The following LRFN5 variants were observed in gnomAD, a reference collection of about 807,000 sequenced individuals.
The protein encoded by LRFN5 is leucine rich repeat and fibronectin type III domain containing 5, also known as leucine-rich repeat and fibronectin type-III domain-containing protein 5.
LRFN5 carries 24 observed loss-of-function variants against 45.6 expected under a neutral mutation model. The ratio of observed to expected loss-of-function variants is 0.53; its 90% CI spans 0.38 to 0.74. The LOEUF is 0.74. Among genes scored for constraint, LRFN5 ranks in the 30% least tolerant of loss-of-function variants. The pLI is 0.00. For synonymous variants in LRFN5, 340 were observed against 313.8 expected, an observed-to-expected ratio of 1.08 and a Z score of -0.88; for missense variants, 776 against 861.5, an observed-to-expected ratio of 0.90 and a Z score of 1.24.
In LRFN5 at chr14:41,607,025, C is replaced by T. The variant is rs1887510662; in HGVS notation, c.-1734C>T. Among the ~76,000 whole-genome samples, 1 of 152,100 alleles carries T rather than the reference C, an allele frequency of 6.6e-6. No individual in the cohort carries two copies. The highest frequency in any genetic ancestry group is 1.5e-5 in the Non-Finnish European group (1 of 67,990). ...CCCCGGACCTCGGCTGCTTGCCTCG[C>T]GCCTGAACTGCGGACTCGCCCCAGC... On this transcript the variant is annotated 5_prime_UTR_variant, in exon 1 of 6. Coordinates refer to ENST00000298119, the MANE Select transcript of LRFN5 (RefSeq NM_152447.5).
chr14:41,704,446 C>CTGTGTGTGTGTGTGTGTGTGTGTGTGTG (rs1233748767), intron 1 of LRFN5, among the ~76,000 whole-genome samples: 7 of 126,952 alleles, frequency 5.5e-5, no homozygotes, highest in African/African-American at 2.5e-4. Flanking sequence ...CTCTCTCTCT[C>CTGTGTGTGTGTGTGTGTGTGTGTGTGTG]TCTGTGTGTG....
chr14:41,865,884 T>G (rs2139107529), intron 2 of LRFN5, among the ~76,000 whole-genome samples: 1 of 152,306 alleles, frequency 6.6e-6, no homozygotes, highest in East Asian at 1.9e-4. Flanking sequence ...TTGAAAATTC[T>G]TTGCCCAATT....
chr14:41,625,570 G>T (rs576889525), intron 1 of LRFN5, among the ~76,000 whole-genome samples: 1 of 152,204 alleles, frequency 6.6e-6, no homozygotes, highest in African/African-American at 2.4e-5. Context: ...ATAGTATACA[G>T]GTATGGCATT....
At chr14:41,658,583 T>C (rs1376122016) in intron 1 of LRFN5, among the ~76,000 whole-genome samples, 6 of 151,976 alleles carry the variant, frequency 3.9e-5, no homozygotes, top group African/African-American at 1.4e-4. Flanking sequence ...GAAAAACTTA[T>C]AATGCACTTC....
rs999099291 is a variant in LRFN5 at position 41,705,779 on chromosome 14, A to G, written c.-196-61075A>G. ...CACATTTATAGTAAACGATCTTTATATAGTTTATACAATATCTGTTTTTCT... is the reference window on the plus strand; with the variant it reads ...CACATTTATAGTAAACGATCTTTATGTAGTTTATACAATATCTGTTTTTCT... On this transcript the variant is annotated intron_variant, in intron 1 of 5. Transcript: ENST00000298119. 2.0e-5 allele frequency among the ~76,000 whole-genome samples: 3 copies of G among 152,198 alleles called. No homozygotes were observed. The East Asian group carries it at 5.8e-4, about 29-fold the overall frequency.
At chr14:41,748,409 C>T (rs1248014078) in intron 1 of LRFN5, among the ~76,000 whole-genome samples, 3 of 151,890 alleles carry the variant, frequency 2.0e-5, no homozygotes, top group African/African-American at 7.3e-5. Flanking sequence ...TAAAATATGC[C>T]AATTACAAAA....
At chr14:41,690,224 G>C (rs962902777) in intron 1 of LRFN5, among the ~76,000 whole-genome samples, 1 of 151,992 alleles carries the variant, frequency 6.6e-6, no homozygotes, top group African/African-American at 2.4e-5. Context: ...GAAAAAAAAG[G>C]CCATCTCAAT....
chr14:41,874,647 A>C (rs1330003227), intron 2 of LRFN5, among the ~76,000 whole-genome samples: 2 of 152,218 alleles, frequency 1.3e-5, no homozygotes, highest in African/African-American at 4.8e-5. Flanking sequence ...CTACAAAAGC[A>C]ATGCCCTGGG....
intron 2 of LRFN5, among the ~76,000 whole-genome samples, chr14:41,815,799 T>C (rs1023898931): frequency 1.3e-5 from 2 of 151,966 alleles, no homozygotes; most frequent in African/African-American, 4.8e-5. Flanking sequence ...GAAGTGGATG[T>C]CTTGTAGACA....
rs187104062 is a variant in LRFN5 at position 41,620,323 on chromosome 14, A to G, written c.-197+11761A>G. Among the ~76,000 whole-genome samples the G allele has an allele frequency of 3.3e-3, 506 of 152,238 alleles. 2 individuals carry two copies. Among genetic ancestry groups the G allele is most frequent in the African/African-American group, 0.011 (471 of 41,560 alleles). On this transcript the variant is annotated intron_variant, in intron 1 of 5. Transcript: ENST00000298119. ...ATAATATATAGTTCTAATAGGCAGG[A>G]CCAATCCAGGTTGTTTAGGGTTTTG...
chr14:41,631,924 C>T lies in LRFN5; in HGVS notation c.-197+23362C>T, dbSNP rs146855220. Among the ~76,000 whole-genome samples the T allele has an allele frequency of 3.4e-3, 512 of 152,192 alleles. 2 individuals carry two copies. Among genetic ancestry groups the T allele is most frequent in the African/African-American group, 0.011 (476 of 41,520 alleles). Reference sequence around the variant, plus strand: ...TCATTATGAAAGAGATGAGAAGCCACGGAGAGTTTTGAGCAGAGGCATGAC... The same window carrying T: ...TCATTATGAAAGAGATGAGAAGCCATGGAGAGTTTTGAGCAGAGGCATGAC... On this transcript the variant is annotated intron_variant, in intron 1 of 5. Coordinates refer to ENST00000298119, the MANE Select transcript of LRFN5 (RefSeq NM_152447.5).
intron 1 of LRFN5, among the ~76,000 whole-genome samples, chr14:41,715,475 C>G (rs755209785): frequency 6.6e-6 from 1 of 152,172 alleles, no homozygotes; most frequent in Non-Finnish European, 1.5e-5. Context: ...ACAAAAATAC[C>G]TTATGTGGTA....
chr14:41,673,426 C>T (rs1436933413), intron 1 of LRFN5, among the ~76,000 whole-genome samples: 18 of 140,442 alleles, frequency 1.3e-4, no homozygotes, highest in Non-Finnish European at 2.1e-4. Context: ...CCGGACCGGG[C>T]GGCTGGCCGG....
At chr14:41,610,401 C>A (rs1333167758) in intron 1 of LRFN5, among the ~76,000 whole-genome samples, 3 of 151,904 alleles carry the variant, frequency 2.0e-5, no homozygotes, top group Non-Finnish European at 4.4e-5. Context: ...CCATTTATTC[C>A]TCTTTCTTCC....
rs78152224 is a variant in LRFN5, at chr14:41,630,587, G to A, written c.-197+22025G>A. Reference sequence around the variant, plus strand: ...TATTTGTTGTCAATTTAGATGTGCAGTAATGAAACATTGAGTAGAATTTCA... The same window carrying A: ...TATTTGTTGTCAATTTAGATGTGCAATAATGAAACATTGAGTAGAATTTCA... On this transcript the variant is annotated intron_variant, in intron 1 of 5. Transcript: ENST00000298119. Among the ~76,000 whole-genome samples the A allele has an allele frequency of 2.3e-3, 345 of 152,108 alleles. 4 individuals carry two copies. Among genetic ancestry groups the A allele is most frequent in the South Asian group, 0.017 (83 of 4,814 alleles).
chr14:41,726,364 A>C lies in LRFN5; in HGVS notation c.-196-40490A>C, dbSNP rs1883933008. ...CTTTCCTAAGTTATAATTTGGTGGA[A>C]CTTAATCTTTGTTAAATAACAAATA... On this transcript the variant is annotated intron_variant, in intron 1 of 5. Transcript: ENST00000298119. Among the ~76,000 whole-genome samples, 4 of 152,262 alleles carry C rather than the reference A, an allele frequency of 2.6e-5. No homozygotes were observed. In the South Asian group the frequency reaches 8.3e-4, roughly 32 times the overall value.
At chr14:41,820,700 G>C (rs760945484) in intron 2 of LRFN5, among the ~76,000 whole-genome samples, 15 of 151,806 alleles carry the variant, frequency 9.9e-5, no homozygotes, top group Non-Finnish European at 1.8e-4. Context: ...TCTGTAGATT[G>C]CTTTGGTTAG....
At chr14:41,814,268 A>T (rs1047869797) in intron 2 of LRFN5, among the ~76,000 whole-genome samples, 2 of 152,036 alleles carry the variant, frequency 1.3e-5, no homozygotes, top group African/African-American at 4.8e-5. Context: ...TGGATTTAGA[A>T]AGCCAATGTT....
chr14:41,611,304 GA>G (rs1887749021), intron 1 of LRFN5, among the ~76,000 whole-genome samples: 1 of 152,190 alleles, frequency 6.6e-6, no homozygotes, highest in South Asian at 2.1e-4. Context: ...AAGGCGGGGG[GA>G]AAATATTTCT....
Sources: allele counts gnomAD v4.1 joint callset (sites outside exome capture counted in the v4.1 genomes callset), GRCh38; gene constraint gnomAD v4.1.1; transcripts MANE v1.5; gene names NCBI Gene and HGNC (gene_info 2026-07-23, HGNC 2026-07-21).